The following AKAP9 variants were observed in gnomAD, a reference collection of about 807,000 sequenced individuals.
AKAP9 encodes A-kinase anchoring protein 9, also known as A-kinase anchor protein 9.
In AKAP9, 311 loss-of-function variants were observed where a neutral mutation model predicts 488.5. The observed-to-expected ratio is 0.64, with a 90% CI of 0.58 to 0.70. AKAP9 has a LOEUF of 0.70. Among genes scored for constraint, AKAP9 ranks in the 30% least tolerant of loss-of-function variants. AKAP9 has a pLI of 0.00. For missense variants in AKAP9, 4,215 were observed against 4,374.5 expected (o/e 0.96, Z 1.03); for synonymous variants, 1,462 against 1,483.5 (o/e 0.99, Z 0.33).
chr7:92,079,504 T>A lies in AKAP9; in HGVS notation c.7371T>A (p.His2457Gln), dbSNP rs2130861607. ...PENSVNVAID[H>Q]LSKDKPELEV... ...ATAGTGTTAACGTGGCTATAGATCA[T>A]CTGAGCAAAGACAAACCTGAACTAG... Residue 2457 changes from histidine (H) to glutamine (Q), a missense_variant, in exon 31 of 50, where the codon CAT becomes CAA. Transcript: ENST00000356239. 1 of 1,613,992 alleles carries A rather than the reference T, an allele frequency of 6.2e-7. No individual in the cohort carries two copies. Among genetic ancestry groups the A allele is most frequent in the South Asian group, 1.1e-5 (1 of 91,084 alleles).
chr7:91,953,720 T>A (rs1792573094), intron 1 of AKAP9, among the ~76,000 whole-genome samples: 1 of 152,080 alleles, frequency 6.6e-6, no homozygotes, highest in African/African-American at 2.4e-5. Context: ...CATATGACAT[T>A]TAAAATGGTG....
chr7:92,071,484 G>C (rs776578244), intron 28 of AKAP9, among the ~76,000 whole-genome samples: 1 of 150,126 alleles, frequency 6.7e-6, no homozygotes, highest in Non-Finnish European at 1.5e-5. Context: ...ATAGTAAATT[G>C]CTTTAATAGT....
At position 92,031,638 on chromosome 7, in the gene AKAP9, G is replaced by A. The variant is rs868449152; in HGVS notation, c.4338+34G>A. The stretch of plus-strand genomic sequence containing the variant: ...ATAGCTTATCTGGAAGATTATCTTG[G>A]TTTATATTCCCTTTGAGCCTTCAAA... On this transcript the variant is annotated intron_variant, in intron 16 of 49. Transcript: ENST00000356239. 2.0e-6 allele frequency: 3 copies of A among 1,474,884 alleles called. No individual in the cohort carries two copies. The African/African-American group carries it at 4.2e-5, about 20-fold the overall frequency. The allele number at this position is 1,474,884 out of a possible 1,614,324, so 91.4% of individuals were successfully genotyped here. A position where few individuals can be genotyped will look rare whatever the true frequency, so the allele number is the denominator to read the frequency against.
At position 92,040,867 on chromosome 7, in the gene AKAP9, A is replaced by G; in HGVS notation, c.4886A>G (p.Glu1629Gly). The change falls in exon 18 of 50, where the codon GAG becomes GGG. Residue 1629 changes from glutamate to glycine, a missense_variant. Glu to Gly is a moderately conservative substitution (Grantham distance 98, BLOSUM62 -2). Around this residue, in one of 5 missense-constraint regions of AKAP9, gnomAD observed 2,361 missense variants for 2,430.0 expected, o/e 0.97. Transcript: ENST00000356239. ...GAAGACCAGGAACAGCTACAAGAAGAGATTAAGAGACTTAATAGACAATTA... is the reference window on the plus strand; with the variant it reads ...GAAGACCAGGAACAGCTACAAGAAGGGATTAAGAGACTTAATAGACAATTA... ...QREDQEQLQE[E>G]IKRLNRQLAQ... 6.2e-7 allele frequency: 1 copy of G among 1,613,792 alleles called. No homozygotes were observed. The highest frequency in any genetic ancestry group is 8.5e-7 in the Non-Finnish European group (1 of 1,179,826).
At chr7:92,089,328 T>C (rs1815132841) in intron 37 of AKAP9, 57 bp from the exon 38 acceptor site, 1 of 1,588,326 alleles carries the variant, frequency 6.3e-7, no homozygotes, top group East Asian at 2.2e-5. Context: ...TTCTTGGTTG[T>C]TAATTGTATT....
In AKAP9 at chr7:92,062,477, G is replaced by C. The variant is rs767058162; in HGVS notation, c.5968G>C (p.Val1990Leu). 5.6e-6 allele frequency: 9 copies of C among 1,612,734 alleles called. No individual in the cohort carries two copies. In the East Asian group the frequency reaches 2.0e-4, roughly 36 times the overall value. The change falls in exon 24 of 50, where the codon GTT (valine) becomes CTT (leucine). Residue 1990 changes from valine to leucine, a missense_variant. By Grantham distance (32) the Val-to-Leu change is conservative. This residue lies in a region of AKAP9 where 2,361 missense variants were observed against 2,430.0 expected (regional missense o/e 0.97). Coordinates refer to ENST00000356239, the MANE Select transcript of AKAP9 (RefSeq NM_005751.5). ...KEAMKAEAGP[V>L]EQQLLQETEK... is the part of the protein sequence containing the mutation. ...AGCTATGAAAGCAGAGGCAGGCCCA[G>C]TTGAACAACGTAAGTATTTTCAGAA...
intron 1 of AKAP9, among the ~76,000 whole-genome samples, chr7:91,956,303 G>A (rs1368097815): frequency 5.3e-5 from 8 of 151,642 alleles, no homozygotes; most frequent in Non-Finnish European, 1.2e-4. Context: ...AGGAGGCTGA[G>A]GCAGGAGAAT....
chr7:92,102,448 T>TTAC lies in AKAP9; in HGVS notation c.11098-106_11098-104dup, dbSNP rs11276778. On this transcript the variant is annotated intron_variant, in intron 45 of 49. Transcript: ENST00000356239. The stretch of plus-strand genomic sequence containing the variant: ...GTGATAGGAACCTGCCGTTTTACTA[T>TTAC]TACTACTACTACTACTACTACTACT... 0.018 allele frequency: 10,546 copies of TTAC among 593,890 alleles called. 52 individuals are homozygous for TTAC. The highest frequency in any genetic ancestry group is 0.028 in the African/African-American group (1,489 of 52,532). 36.8% of individuals were successfully genotyped at this position (593,890 alleles called of 1,614,324 possible). A position where few individuals can be genotyped will look rare whatever the true frequency, so the allele number is the denominator to read the frequency against.
chr7:91,944,970 T>A (rs7800397), intron 1 of AKAP9, among the ~76,000 whole-genome samples: 1 of 152,240 alleles, frequency 6.6e-6, no homozygotes, highest in African/African-American at 2.4e-5. Context: ...TTACTCCTCA[T>A]CTGCCTCTTT....
intron 3 of AKAP9, among the ~76,000 whole-genome samples, chr7:91,987,673 T>C (rs1797272301): frequency 6.6e-6 from 1 of 152,226 alleles, no homozygotes; most frequent in Admixed American, 6.5e-5. Flanking sequence ...TAGGCTAGTT[T>C]TGAGGCTTGA....
At position 92,077,852 on chromosome 7, in the gene AKAP9, C is replaced by G; in HGVS notation, c.6922C>G (p.Leu2308Val). 2.5e-6 allele frequency: 4 copies of G among 1,612,910 alleles called. No homozygotes were observed. The highest frequency in any genetic ancestry group is 3.4e-6 in the Non-Finnish European group (4 of 1,179,386). ...ACAAGTTACGAAACTCCAGCAGCAA[C>G]TTAAAATTACAACAGATAACAAGGT... ...NEQVTKLQQQ[L>V]KITTDNKVIE... The change falls in exon 30 of 50, where the codon CTT becomes GTT. Residue 2308 changes from leucine (L) to valine (V), a missense_variant. Physicochemically the swap from Leu to Val is conservative, Grantham distance 32. This residue lies in a region of AKAP9 where 1,476 missense variants were observed against 1,477.4 expected (regional missense o/e 1.00). Transcript: ENST00000356239.
At chr7:91,993,610 G>A (rs950317132) in intron 5 of AKAP9, among the ~76,000 whole-genome samples, 1 of 152,088 alleles carries the variant, frequency 6.6e-6, no homozygotes, top group Non-Finnish European at 1.5e-5. Flanking sequence ...AAATCAAACA[G>A]AAAAGTAAAT....
chr7:92,110,263 T>C lies in AKAP9; in HGVS notation c.*104T>C. 2 of 894,712 alleles carry C rather than the reference T, an allele frequency of 2.2e-6. No homozygotes were observed. The highest frequency in any genetic ancestry group is 4.0e-5 in the Admixed American group (2 of 49,814). 55.4% of individuals were successfully genotyped at this position (894,712 alleles called of 1,614,324 possible). A position where few individuals can be genotyped will look rare whatever the true frequency, so the allele number is the denominator to read the frequency against. ...TTGTGAATATTCAATGGGACCAATATGAACACAGCTTATGATTGTATACAA... is the reference window on the plus strand; with the variant it reads ...TTGTGAATATTCAATGGGACCAATACGAACACAGCTTATGATTGTATACAA... On this transcript the variant is annotated 3_prime_UTR_variant, in exon 50 of 50. Transcript: ENST00000356239.
At chr7:91,975,351 ATTTTAC>A (rs1562921417) in intron 2 of AKAP9, among the ~76,000 whole-genome samples, 1 of 152,048 alleles carries the variant, frequency 6.6e-6, no homozygotes, top group Non-Finnish European at 1.5e-5. Flanking sequence ...ATTTCTAAGC[ATTTTAC>A]TGCTATTCTA....
Position 92,062,558 on chromosome 7 carries a change from T to A in AKAP9, c.5977+72T>A, listed in dbSNP as rs145395031. The stretch of plus-strand genomic sequence containing the variant: ...GTATTCTTCAAAGGCTTAAGGTGGC[T>A]TTTTTCCTCTTTCAGTGCCATTATT... On this transcript the variant is annotated intron_variant, in intron 24 of 49. Transcript: ENST00000356239. The A allele has an allele frequency of 3.8e-5, 49 of 1,288,190 alleles. No homozygotes were observed. The East Asian group carries it at 1.1e-3, about 30-fold the overall frequency. The allele number at this position is 1,288,190 out of a possible 1,614,324, so 79.8% of individuals were successfully genotyped here.
At chr7:91,947,884 T>C (rs573448585) in intron 1 of AKAP9, among the ~76,000 whole-genome samples, 1 of 152,342 alleles carries the variant, frequency 6.6e-6, no homozygotes, top group Non-Finnish European at 1.5e-5. Context: ...ATGCAACTAC[T>C]GCTTCTGTCT....
At chr7:92,072,739 C>T (rs1811912088) in intron 28 of AKAP9, among the ~76,000 whole-genome samples, 1 of 152,144 alleles carries the variant, frequency 6.6e-6, no homozygotes, top group Admixed American at 6.5e-5. Context: ...TAGGTTTTAG[C>T]TCTCTGTAGA....
At chr7:91,991,740 G>A (rs1246346700) in intron 3 of AKAP9, among the ~76,000 whole-genome samples, 2 of 152,128 alleles carry the variant, frequency 1.3e-5, no homozygotes, top group Non-Finnish European at 2.9e-5. Flanking sequence ...CAAAGTGCTG[G>A]GATTACAGGC....
At chr7:92,031,681 C>A in intron 16 of AKAP9, 77 bp downstream of exon 16, 2 of 1,109,532 alleles carry the variant, frequency 1.8e-6, no homozygotes, top group Non-Finnish European at 2.8e-6. Context: ...TAGATTTTAT[C>A]GATGGTATGT....
Sources: allele counts gnomAD v4.1 joint callset (sites outside exome capture counted in the v4.1 genomes callset), GRCh38; gene constraint gnomAD v4.1.1; regional missense constraint gnomAD v4.1.1; transcripts MANE v1.5; gene names NCBI Gene and HGNC (gene_info 2026-07-23, HGNC 2026-07-21).